The following CCDC77 variants were observed in gnomAD, a reference collection of about 807,000 sequenced individuals.
The protein encoded by CCDC77 is coiled-coil domain-containing protein 77.
In CCDC77, 56 loss-of-function variants were observed where a neutral mutation model predicts 66.8. The observed-to-expected ratio is 0.84, with a 90% CI of 0.68 to 1.05. The LOEUF (loss-of-function observed/expected upper bound fraction) is 1.05, where lower values mean the gene tolerates loss of function less well. Ranked by LOEUF, CCDC77 falls within the 50% of genes least tolerant of loss-of-function variation. CCDC77 has a pLI of 0.00. For synonymous variants in CCDC77, 196 were observed against 195.2 expected (o/e 1.00, Z -0.03); for missense variants, 570 against 576.8 (o/e 0.99, Z 0.12).
chr12:433,342 G>A lies in CCDC77; in HGVS notation c.821+20G>A. On this transcript the variant is annotated intron_variant, in intron 9 of 12. Transcript: ENST00000239830. The stretch of plus-strand genomic sequence containing the variant: ...CAAAAAGTGAGTGTCTAAGAAAGCT[G>A]TACCTAACGGGTATTGTATTTTTCT... 2 of 1,611,218 alleles carry A rather than the reference G, an allele frequency of 1.2e-6. No homozygotes were observed. Among genetic ancestry groups the A allele is most frequent in the Non-Finnish European group, 1.7e-6 (2 of 1,178,934 alleles).
intron 12 of CCDC77, 59 bp from the exon 13 acceptor site, chr12:441,715 T>A: frequency 2.6e-6 from 4 of 1,561,266 alleles, no homozygotes; most frequent in Non-Finnish European, 3.5e-6. Flanking sequence ...TTGACTGATA[T>A]CGCTCCCCTG....
chr12:426,725 G>T (rs189460793), intron 5 of CCDC77, among the ~76,000 whole-genome samples: 1 of 151,996 alleles, frequency 6.6e-6, no homozygotes, highest in Non-Finnish European at 1.5e-5. Flanking sequence ...TGGTCCCCAC[G>T]TGCCCCAGTG....
Position 440,879 on chromosome 12 carries a change from A to C in CCDC77, c.1203A>C (p.Ile401=). ...RTNKMGKRLQ[I]MTKRYEALER... ...ACAAGATGGGGAAGCGTTTACAGATAATGACAAAACGCTATGAGGCATTGG... is the reference window on the plus strand; with the variant it reads ...ACAAGATGGGGAAGCGTTTACAGATCATGACAAAACGCTATGAGGCATTGG... The change falls in exon 12 of 13, where the codon ATA becomes ATC. Residue 401 remains isoleucine, a synonymous_variant. Transcript: ENST00000239830. 1 of 1,613,880 alleles carries C rather than the reference A, an allele frequency of 6.2e-7. No individual in the cohort carries two copies. Among genetic ancestry groups the C allele is most frequent in the Non-Finnish European group, 8.5e-7 (1 of 1,180,036 alleles).
chr12:412,141 C>A (rs1565566185), intron 4 of CCDC77, among the ~76,000 whole-genome samples, 163 bp downstream of exon 4: 1 of 152,164 alleles, frequency 6.6e-6, no homozygotes, highest in Non-Finnish European at 1.5e-5. Flanking sequence ...TGGATCATAA[C>A]CCCCAAAACT....
intron 10 of CCDC77, 134 bp downstream of exon 10, chr12:438,688 T>C (rs1466083754): frequency 1.6e-6 from 1 of 633,622 alleles, no homozygotes; most frequent in Non-Finnish European, 2.8e-6. Context: ...AAGAACTAGG[T>C]TTCAAAGAGC....
intron 10 of CCDC77, among the ~76,000 whole-genome samples, chr12:439,781 G>GA (rs764606601): frequency 0.016 from 2,096 of 135,170 alleles, 33 homozygotes; most frequent in Non-Finnish European, 0.022. Context: ...CTCCGTCTCA[G>GA]AAAAAAAAAA....
intron 5 of CCDC77, among the ~76,000 whole-genome samples, chr12:423,007 T>C (rs952222844): frequency 1.3e-5 from 2 of 152,094 alleles, no homozygotes; most frequent in Non-Finnish European, 2.9e-5. Context: ...CATACTATTT[T>C]CCATAGTGTT....
chr12:417,884 A>C (rs1056204364), intron 4 of CCDC77, among the ~76,000 whole-genome samples: 16 of 152,096 alleles, frequency 1.1e-4, no homozygotes, highest in Admixed American at 3.9e-4. Context: ...CCTGGGCGAC[A>C]GAGTGAGACT....
intron 9 of CCDC77, among the ~76,000 whole-genome samples, chr12:437,361 T>C (rs905322071): frequency 2.0e-5 from 3 of 152,082 alleles, no homozygotes; most frequent in Non-Finnish European, 4.4e-5. Context: ...GGGGCAAAAA[T>C]AATAAATAAG....
upstream of CCDC77, among the ~76,000 whole-genome samples, chr12:396,743 G>T (rs1447977579): frequency 6.6e-6 from 1 of 152,198 alleles, no homozygotes; most frequent in Non-Finnish European, 1.5e-5. Flanking sequence ...GTGAACTGAA[G>T]CTGGAAAGTG....
intron 4 of CCDC77, among the ~76,000 whole-genome samples, chr12:416,403 A>C (rs867857955): frequency 2.0e-5 from 1 of 51,254 alleles, no homozygotes; most frequent in African/African-American, 6.8e-5. Flanking sequence ...ATATATATAT[A>C]TATATATATA....
intron 12 of CCDC77, 91 bp from the exon 13 acceptor site, chr12:441,683 G>T: frequency 1.5e-6 from 2 of 1,347,538 alleles, no homozygotes; most frequent in Non-Finnish European, 2.0e-6. Context: ...TCACAAAAAG[G>T]AGCTAGCATA....
intron 4 of CCDC77, among the ~76,000 whole-genome samples, chr12:412,369 C>T (rs1417378966): frequency 6.6e-6 from 1 of 152,222 alleles, no homozygotes; most frequent in African/African-American, 2.4e-5. Context: ...CTGCAAATGA[C>T]CCCTTGCTCA....
In CCDC77 at chr12:411,798, G is replaced by T. The variant is rs1245930499; in HGVS notation, c.90G>T (p.Arg30Ser). Residue 30 changes from arginine (R) to serine (S), a missense_variant, in exon 4 of 13, where the codon AGG becomes AGT. By Grantham distance (110) the Arg-to-Ser change is moderately radical. Coordinates refer to ENST00000239830, the MANE Select transcript of CCDC77 (RefSeq NM_032358.4). Reference protein sequence around the residue: ...RGVAVSGPTKRRGMADSLEST... With the variant: ...RGVAVSGPTKSRGMADSLEST... The stretch of plus-strand genomic sequence containing the variant: ...TTGCCGTCAGTGGTCCCACCAAGAG[G>T]AGGGGAATGGCAGATTCACTGGAGT... 1 of 1,614,114 alleles carries T rather than the reference G, an allele frequency of 6.2e-7. No individual in the cohort carries two copies. The highest frequency in any genetic ancestry group is 8.5e-7 in the Non-Finnish European group (1 of 1,180,022).
chr12:429,245 T>A (rs956181487), intron 6 of CCDC77, among the ~76,000 whole-genome samples: 1 of 152,208 alleles, frequency 6.6e-6, no homozygotes, highest in African/African-American at 2.4e-5. Flanking sequence ...ATCTATCATA[T>A]AAAAGTGGCA....
intron 4 of CCDC77, among the ~76,000 whole-genome samples, chr12:415,512 G>GTTGATA (rs1348091394): frequency 1.4e-5 from 2 of 141,290 alleles, no homozygotes; most frequent in African/African-American, 5.4e-5. Context: ...AACATAATAT[G>GTTGATA]TTAATATTAA....
intron 4 of CCDC77, among the ~76,000 whole-genome samples, chr12:412,516 G>C (rs1364295760): frequency 6.6e-6 from 1 of 152,170 alleles, no homozygotes; most frequent in Non-Finnish European, 1.5e-5. Flanking sequence ...TTTGTTGTGA[G>C]GGGTTGTCCT....
At chr12:403,073 T>G (rs973203613) in intron 1 of CCDC77, among the ~76,000 whole-genome samples, 7 of 152,260 alleles carry the variant, frequency 4.6e-5, no homozygotes, top group Non-Finnish European at 1.0e-4. Flanking sequence ...GTCCACTACA[T>G]TTTTGTTAAT....
At chr12:407,027 C>G (rs1326888799) in intron 2 of CCDC77, among the ~76,000 whole-genome samples, 1 of 152,146 alleles carries the variant, frequency 6.6e-6, no homozygotes, top group East Asian at 1.9e-4. Flanking sequence ...GGGTTGGAAG[C>G]CAAGCGCAGT....
Sources: allele counts gnomAD v4.1 joint callset (sites outside exome capture counted in the v4.1 genomes callset), GRCh38; gene constraint gnomAD v4.1.1; transcripts MANE v1.5; gene names NCBI Gene and HGNC (gene_info 2026-07-23, HGNC 2026-07-21).